ROBO2: variants seen among roughly 807,000 people sequenced by gnomAD.
ROBO2 encodes roundabout guidance receptor 2.
Under a neutral mutation model 160.8 loss-of-function variants are expected in ROBO2, and 53 were observed. That is an observed-to-expected ratio of 0.33 (90% CI 0.26 to 0.41). The LOEUF is 0.41. Ranked by LOEUF, ROBO2 falls within the 10% of genes least tolerant of loss-of-function variation. The pLI is 1.00. For missense variants in ROBO2, 1,577 were observed against 1,722.4 expected (o/e 0.92, Z 1.49); for synonymous variants, 664 against 611.7 (o/e 1.09, Z -1.26).
At chr3:76,640,582 CGTGTTTGCGTGTGA>C (rs1329881031) in intron 2 of ROBO2, among the ~76,000 whole-genome samples, 6 of 37,640 alleles carry the variant, frequency 1.6e-4, no homozygotes, top group Admixed American at 4.1e-4. Flanking sequence ...AATATCAATG[CGTGTTTGCGTGTGA>C]GTGTGTGTGT....
chr3:76,089,925 T>C (rs949082272), intron 2 of ROBO2, among the ~76,000 whole-genome samples: 2 of 151,974 alleles, frequency 1.3e-5, no homozygotes, highest in African/African-American at 4.8e-5. Flanking sequence ...CATAAAAAAA[T>C]CCAAAAGAAT....
chr3:77,525,472 G>T (rs2091049699), intron 6 of ROBO2, among the ~76,000 whole-genome samples: 1 of 149,252 alleles, frequency 6.7e-6, no homozygotes, highest in African/African-American at 2.5e-5. Flanking sequence ...AGCTCCCTTT[G>T]CTGACTTGGC....
intron 2 of ROBO2, among the ~76,000 whole-genome samples, chr3:76,541,433 C>A (rs2082810095): frequency 6.6e-6 from 1 of 152,094 alleles, no homozygotes; most frequent in African/African-American, 2.4e-5. Context: ...TTCTCACATA[C>A]CTAAGATGTA....
At chr3:75,998,950 T>A (rs1039746361) in intron 2 of ROBO2, among the ~76,000 whole-genome samples, 14 of 152,218 alleles carry the variant, frequency 9.2e-5, no homozygotes, top group Non-Finnish European at 1.9e-4. Context: ...ATTGTCTTCA[T>A]TTCTCCGCCC....
intron 2 of ROBO2, among the ~76,000 whole-genome samples, chr3:76,646,975 G>A (rs2091000084): frequency 6.6e-6 from 1 of 152,166 alleles, no homozygotes; most frequent in African/African-American, 2.4e-5. Flanking sequence ...GCCTTATTAA[G>A]ACTTAGAAGC....
At chr3:76,894,878 A>G (rs2074643803) in intron 2 of ROBO2, among the ~76,000 whole-genome samples, 1 of 152,156 alleles carries the variant, frequency 6.6e-6, no homozygotes, top group Non-Finnish European at 1.5e-5. Flanking sequence ...ATTCAACCAG[A>G]AACAAATGGA....
chr3:77,388,677 G>C (rs1427738961), intron 2 of ROBO2, among the ~76,000 whole-genome samples: 1 of 152,142 alleles, frequency 6.6e-6, no homozygotes, highest in Non-Finnish European at 1.5e-5. Context: ...TTAATATCAA[G>C]TTCCAGTTTG....
At chr3:76,366,772 A>T (rs2075832766) in intron 2 of ROBO2, among the ~76,000 whole-genome samples, 1 of 151,990 alleles carries the variant, frequency 6.6e-6, no homozygotes, top group African/African-American at 2.4e-5. Flanking sequence ...ACACAAAAAT[A>T]TCTCTTCAAA....
At chr3:76,742,185 T>C (rs1187995615) in intron 2 of ROBO2, among the ~76,000 whole-genome samples, 1 of 152,044 alleles carries the variant, frequency 6.6e-6, no homozygotes. Context: ...AGATGCTATA[T>C]ACAAAGATAA....
intron 4 of ROBO2, among the ~76,000 whole-genome samples, chr3:77,485,511 T>C (rs1397048432): frequency 6.6e-6 from 1 of 152,082 alleles, no homozygotes; most frequent in Admixed American, 6.6e-5. Flanking sequence ...TACATTACCT[T>C]AGTTTGACAC....
intron 2 of ROBO2, among the ~76,000 whole-genome samples, chr3:76,052,632 C>CA (rs2067694564): frequency 6.6e-6 from 1 of 151,958 alleles, no homozygotes; most frequent in South Asian, 2.1e-4. Context: ...CTTTATAAAA[C>CA]AAAATATAAG....
chr3:76,752,865 A>G (rs1230777685), intron 2 of ROBO2, among the ~76,000 whole-genome samples: 2 of 151,884 alleles, frequency 1.3e-5, no homozygotes, highest in Non-Finnish European at 2.9e-5. Context: ...TTTTGTTTCT[A>G]AGTAGCATAT....
chr3:75,911,588 C>T (rs1415346142), intron 1 of ROBO2, among the ~76,000 whole-genome samples: 5 of 93,236 alleles, frequency 5.4e-5, no homozygotes, highest in Non-Finnish European at 7.7e-5. Context: ...GACGGAGTTT[C>T]GCTCTGTCGC....
chr3:75,920,702 C>T (rs2106825547), intron 1 of ROBO2, among the ~76,000 whole-genome samples: 1 of 152,196 alleles, frequency 6.6e-6, no homozygotes, highest in South Asian at 2.1e-4. Context: ...TTTTATGAAT[C>T]CTGGTGCTCC....
chr3:76,580,147 C>T (rs563745315), intron 2 of ROBO2, among the ~76,000 whole-genome samples: 2 of 152,010 alleles, frequency 1.3e-5, no homozygotes, highest in Non-Finnish European at 2.9e-5. Flanking sequence ...GCTGTTATAT[C>T]ATTTCTGTAG....
intron 2 of ROBO2, among the ~76,000 whole-genome samples, chr3:77,125,268 T>C (rs905354814): frequency 1.7e-4 from 26 of 152,180 alleles, no homozygotes; most frequent in Non-Finnish European, 2.6e-4. Flanking sequence ...TGAGTGTCTG[T>C]GGATTTCTGC....
At chr3:76,673,797 T>G (rs2092333675) in intron 2 of ROBO2, among the ~76,000 whole-genome samples, 1 of 152,066 alleles carries the variant, frequency 6.6e-6, no homozygotes, top group Admixed American at 6.6e-5. Context: ...AATAATAAGC[T>G]TCACACGATA....
chr3:76,993,729 G>A (rs1363147748), intron 2 of ROBO2, among the ~76,000 whole-genome samples: 1 of 151,942 alleles, frequency 6.6e-6, no homozygotes, highest in East Asian at 1.9e-4. Context: ...TTAAAATAAG[G>A]GACCAAATAT....
chr3:77,442,243 C>G (rs2080011500), intron 2 of ROBO2, among the ~76,000 whole-genome samples: 1 of 151,604 alleles, frequency 6.6e-6, no homozygotes, highest in African/African-American at 2.4e-5. Flanking sequence ...ACCCGGGAGG[C>G]AGAGTTTGCA....
Sources: gnomAD v4.1 joint callset for allele counts (sites outside exome capture counted in the v4.1 genomes callset) on GRCh38, gnomAD v4.1.1 for gene constraint, MANE v1.5 for transcripts, NCBI Gene and HGNC (gene_info 2026-07-23, HGNC 2026-07-21) for gene names.